Variants in PIP5K1B observed in about 807,000 individuals in gnomAD.
PIP5K1B encodes phosphatidylinositol 4-phosphate 5-kinase type-1 beta.
In PIP5K1B, 42 loss-of-function variants were observed where a neutral mutation model predicts 67.0. The ratio of observed to expected loss-of-function variants is 0.63; its 90% CI spans 0.49 to 0.81. PIP5K1B has a LOEUF of 0.81. Among genes scored for constraint, PIP5K1B ranks in the 30% least tolerant of loss-of-function variants. The pLI, the probability that PIP5K1B is intolerant of heterozygous loss-of-function variation, is 0.00. For missense variants in PIP5K1B, 459 were observed against 646.3 expected, an observed-to-expected ratio of 0.71 and a Z score of 3.14; for synonymous variants, 214 against 231.4, an observed-to-expected ratio of 0.92 and a Z score of 0.68.
chr9:68,992,492 G>A (rs1339979050), intron 15 of PIP5K1B, among the ~76,000 whole-genome samples: 1 of 152,032 alleles, frequency 6.6e-6, no homozygotes, highest in Admixed American at 6.6e-5. Context: ...TCTCACAAGT[G>A]CTCTGCAGGG....
chr9:68,980,023 T>TG (rs1393519745), intron 14 of PIP5K1B, among the ~76,000 whole-genome samples: 4 of 152,066 alleles, frequency 2.6e-5, no homozygotes, highest in Non-Finnish European at 5.9e-5. Flanking sequence ...GGGTCCGTGT[T>TG]GGGGGGTTTT....
intron 8 of PIP5K1B, among the ~76,000 whole-genome samples, chr9:68,906,562 A>G (rs983929956): frequency 6.6e-6 from 1 of 152,238 alleles, no homozygotes; most frequent in African/African-American, 2.4e-5. Flanking sequence ...TAAAAGGGAT[A>G]TGTACTTCAC....
intron 2 of PIP5K1B, among the ~76,000 whole-genome samples, chr9:68,773,714 C>T (rs990503922): frequency 5.3e-5 from 8 of 152,094 alleles, no homozygotes; most frequent in African/African-American, 1.7e-4. Context: ...GCTCAGTAGC[C>T]GCTTTGTACA....
chr9:68,732,106 A>G (rs1828466126), intron 1 of PIP5K1B, among the ~76,000 whole-genome samples: 1 of 152,186 alleles, frequency 6.6e-6, no homozygotes, highest in Non-Finnish European at 1.5e-5. Flanking sequence ...GCCACTCCTG[A>G]AATTCTTACT....
intron 4 of PIP5K1B, among the ~76,000 whole-genome samples, chr9:68,853,904 T>A (rs1300318908): frequency 1.3e-5 from 2 of 152,020 alleles, no homozygotes; most frequent in Non-Finnish European, 2.9e-5. Context: ...TCTTTTCTCC[T>A]CCCTCTAGCA....
chr9:68,780,675 C>T, intron 2 of PIP5K1B: 1 of 1,614,208 alleles, frequency 6.2e-7, no homozygotes, highest in South Asian at 1.1e-5. Flanking sequence ...CAACGGATTG[C>T]CTCCAAGCCC....
At chr9:68,816,995 T>G (rs907842321) in intron 2 of PIP5K1B, among the ~76,000 whole-genome samples, 1 of 152,170 alleles carries the variant, frequency 6.6e-6, no homozygotes, top group Non-Finnish European at 1.5e-5. Flanking sequence ...AAAAGAAGAA[T>G]AATACTTGCA....
chr9:68,919,653 T>C, intron 10 of PIP5K1B, 28 bp from the exon 11 acceptor site: 1 of 1,470,558 alleles, frequency 6.8e-7, no homozygotes, highest in Non-Finnish European at 9.5e-7. Context: ...TTTTACATTC[T>C]CATTTCAATT....
intron 6 of PIP5K1B, among the ~76,000 whole-genome samples, chr9:68,878,443 G>A (rs1031653902): frequency 6.6e-6 from 1 of 152,144 alleles, no homozygotes; most frequent in African/African-American, 2.4e-5. Flanking sequence ...GTTTCCTAAT[G>A]AGTCTTTAAG....
chr9:68,790,180 G>A (rs1831881913), intron 2 of PIP5K1B, among the ~76,000 whole-genome samples: 1 of 152,146 alleles, frequency 6.6e-6, no homozygotes, highest in Admixed American at 6.5e-5. Flanking sequence ...CTTTCCCTGT[G>A]AGAGGCTCTC....
chr9:68,916,145 G>C (rs1031888159), intron 8 of PIP5K1B, among the ~76,000 whole-genome samples: 1 of 152,340 alleles, frequency 6.6e-6, no homozygotes, highest in East Asian at 1.9e-4. Flanking sequence ...TGTTGGTTCA[G>C]AGACAGCCGT....
At chr9:68,992,645 G>A (rs1830428397) in intron 15 of PIP5K1B, among the ~76,000 whole-genome samples, 1 of 150,414 alleles carries the variant, frequency 6.6e-6, no homozygotes, top group African/African-American at 2.5e-5. Flanking sequence ...TTCGAGACCA[G>A]CCTGACCAGG....
At chr9:68,740,512 A>G (rs2132314751) in intron 1 of PIP5K1B, among the ~76,000 whole-genome samples, 1 of 152,318 alleles carries the variant, frequency 6.6e-6, no homozygotes, top group African/African-American at 2.4e-5. Flanking sequence ...ACCTCGCATA[A>G]GGACTAAGGT....
At chr9:68,838,592 A>G (rs1821755609) in intron 4 of PIP5K1B, among the ~76,000 whole-genome samples, 1 of 152,168 alleles carries the variant, frequency 6.6e-6, no homozygotes. Flanking sequence ...TTTAAAAATC[A>G]TAATTGAAGG....
chr9:68,747,479 C>T (rs1331930830), intron 2 of PIP5K1B, among the ~76,000 whole-genome samples: 16 of 151,652 alleles, frequency 1.1e-4, no homozygotes, highest in Admixed American at 1.1e-3. Context: ...TAATGGCTTG[C>T]ATTTGAAATA....
chr9:68,817,443 C>T (rs1833501746), intron 2 of PIP5K1B, among the ~76,000 whole-genome samples: 2 of 152,188 alleles, frequency 1.3e-5, no homozygotes, highest in Admixed American at 1.3e-4. Flanking sequence ...ACTGTTTATT[C>T]CTGCTCTGGT....
intron 8 of PIP5K1B, among the ~76,000 whole-genome samples, chr9:68,912,992 A>G (rs1326664080): frequency 6.6e-6 from 1 of 152,200 alleles, no homozygotes; most frequent in Non-Finnish European, 1.5e-5. Context: ...CATTTCAAGA[A>G]CAGGTAGTTT....
In PIP5K1B at chr9:68,878,823, G is replaced by A. The variant is rs569264615; in HGVS notation, c.318+2029G>A. ...GGTGATGATTAGGAGGTCTTCTTATGAGCATGATGTGGTTTTAACCATGCC... is the reference window on the plus strand; with the variant it reads ...GGTGATGATTAGGAGGTCTTCTTATAAGCATGATGTGGTTTTAACCATGCC... On this transcript the variant is annotated intron_variant, in intron 6 of 15. Coordinates refer to ENST00000265382, the MANE Select transcript of PIP5K1B (RefSeq NM_003558.4). Among the ~76,000 whole-genome samples the A allele has an allele frequency of 2.0e-5, 3 of 152,302 alleles. No homozygotes were observed. In the East Asian group the frequency reaches 5.8e-4, roughly 29 times the overall value.
rs142322841 is a variant in PIP5K1B at position 68,858,928 on chromosome 9, T to C, written c.70-4909T>C. On this transcript the variant is annotated intron_variant, in intron 4 of 15. Coordinates refer to ENST00000265382, the MANE Select transcript of PIP5K1B (RefSeq NM_003558.4). ...ATCATTGCTTTTCTAAGAGATGGTT[T>C]GCTTAGGCATTTGGTCTTATTGTAA... 1.0e-4 allele frequency among the ~76,000 whole-genome samples: 16 copies of C among 152,384 alleles called. No individual in the cohort carries two copies. The East Asian group carries it at 3.1e-3, about 29-fold the overall frequency.
Sources: allele counts gnomAD v4.1 joint callset (sites outside exome capture counted in the v4.1 genomes callset), GRCh38; gene constraint gnomAD v4.1.1; transcripts MANE v1.5; gene names NCBI Gene and HGNC (gene_info 2026-07-23, HGNC 2026-07-21).